The following ABHD18 variants were observed in gnomAD, a reference collection of about 807,000 sequenced individuals.
ABHD18 encodes the protein abhydrolase domain containing 18.
ABHD18 carries 55 observed loss-of-function variants against 65.9 expected under a neutral mutation model. The ratio of observed to expected loss-of-function variants is 0.84; its 90% CI spans 0.67 to 1.05. The LOEUF (loss-of-function observed/expected upper bound fraction) is 1.05. Among genes scored for constraint, ABHD18 ranks in the 50% least tolerant of loss-of-function variants. The pLI, the probability that ABHD18 is intolerant of heterozygous loss-of-function variation, is 0.00. For synonymous variants in ABHD18, 181 were observed against 180.2 expected (o/e 1.00, Z -0.04); for missense variants, 533 against 558.5 (o/e 0.95, Z 0.46).
intron 7 of ABHD18, among the ~76,000 whole-genome samples, chr4:128,013,506 C>A (rs1332823220): frequency 6.6e-6 from 1 of 152,098 alleles, no homozygotes; most frequent in East Asian, 1.9e-4. Flanking sequence ...TGAGACCATC[C>A]TGGCTAACAC....
At position 127,965,615 on chromosome 4, in the gene ABHD18, C is replaced by G; in HGVS notation, c.-18+9C>G. The G allele has an allele frequency of 4.3e-6, 1 of 232,474 alleles. No individual in the cohort carries two copies. The highest frequency in any genetic ancestry group is 5.0e-5 in the South Asian group (1 of 19,966). The allele number at this position is 232,474 out of a possible 1,614,324, so 14.4% of individuals were successfully genotyped here. A position where few individuals can be genotyped will look rare whatever the true frequency, so the allele number is the denominator to read the frequency against. On this transcript the variant is annotated intron_variant, in intron 1 of 12. Transcript: ENST00000645843. ...CTTCCACCTGGCGGCCAGTAAGTAG[C>G]CGGTCCGGTTAAGTAGTAGGTGCGC...
intron 3 of ABHD18, among the ~76,000 whole-genome samples, chr4:127,984,779 G>A (rs1464616166): frequency 1.3e-5 from 2 of 152,162 alleles, no homozygotes; most frequent in East Asian, 1.9e-4. Flanking sequence ...AGAATCACTT[G>A]AACCCCGGAG....
At chr4:128,028,942 T>C (rs1020792376) in intron 11 of ABHD18, 89 bp downstream of exon 11, 3 of 1,108,154 alleles carry the variant, frequency 2.7e-6, no homozygotes, top group Non-Finnish European at 3.7e-6. Flanking sequence ...GATAATTTTA[T>C]ATTTTCAAGG....
At chr4:128,031,208 A>G (rs1395869310) in intron 12 of ABHD18, 3 of 885,796 alleles carry the variant, frequency 3.4e-6, no homozygotes, top group African/African-American at 1.8e-5. Context: ...TAATCCCAGC[A>G]CTTTGGGAGG....
Position 128,037,447 on chromosome 4 carries a change from T to C in ABHD18, c.*1634T>C, listed in dbSNP as rs1016811592. ...CCTCCGCCTCTCAGGTTCAAGCGGT[T>C]CTCCTGCCTCCACCTGAGTAGCTGA... is the stretch of plus-strand genomic sequence containing the variant. On this transcript the variant is annotated 3_prime_UTR_variant, in exon 13 of 13. Transcript: ENST00000645843. 2.0e-5 allele frequency: 3 copies of C among 151,706 alleles called. No homozygotes were observed. The highest frequency in any genetic ancestry group is 7.3e-5 in the African/African-American group (3 of 41,336). The allele number at this position is 151,706 out of a possible 1,614,324, so 9.4% of individuals were successfully genotyped here.
chr4:127,988,822 T>C (rs1750428832), intron 3 of ABHD18, among the ~76,000 whole-genome samples: 1 of 152,144 alleles, frequency 6.6e-6, no homozygotes. Flanking sequence ...CGTACAGTGT[T>C]GGTGGGAATG....
chr4:128,008,909 T>C lies in ABHD18; in HGVS notation c.279-11T>C. 1.3e-6 allele frequency: 2 copies of C among 1,592,362 alleles called. No individual in the cohort carries two copies. The highest frequency in any genetic ancestry group is 1.7e-6 in the Non-Finnish European group (2 of 1,169,946). On this transcript the variant is annotated splice_polypyrimidine_tract_variant and intron_variant, in intron 4 of 12. Coordinates refer to ENST00000645843, the MANE Select transcript of ABHD18 (RefSeq NM_001358451.3). ...AGAATTTTATTGATAAGTCTATGCT[T>C]TTAAAAATAGGTTCCAATTTATTGT...
At chr4:128,030,195 T>C (rs1758002968) in intron 11 of ABHD18, among the ~76,000 whole-genome samples, 1 of 152,150 alleles carries the variant, frequency 6.6e-6, no homozygotes, top group African/African-American at 2.4e-5. Flanking sequence ...GATGCATACC[T>C]TACGTACTCT....
intron 1 of ABHD18, among the ~76,000 whole-genome samples, chr4:127,977,218 A>G (rs1264937126): frequency 1.3e-5 from 2 of 152,074 alleles, no homozygotes; most frequent in Admixed American, 6.5e-5. Flanking sequence ...CACGCCTGTA[A>G]TCCCAGCCCT....
chr4:127,990,850 T>C (rs1750795074), intron 4 of ABHD18, among the ~76,000 whole-genome samples: 1 of 152,138 alleles, frequency 6.6e-6, no homozygotes, highest in Non-Finnish European at 1.5e-5. Flanking sequence ...AGGTTATTCT[T>C]AGCCCAGTCT....
chr4:128,011,830 A>C, intron 7 of ABHD18, 130 bp downstream of exon 7: 3 of 532,088 alleles, frequency 5.6e-6, no homozygotes, highest in Admixed American at 3.7e-5. Flanking sequence ...GAGTTCTGTT[A>C]TGAAACTGTA....
chr4:127,986,938 G>T (rs1044854550), intron 3 of ABHD18, among the ~76,000 whole-genome samples: 3 of 152,130 alleles, frequency 2.0e-5, no homozygotes, highest in Non-Finnish European at 4.4e-5. Flanking sequence ...TAAAATCCAT[G>T]TTATGTATAA....
intron 4 of ABHD18, among the ~76,000 whole-genome samples, chr4:128,003,309 AGTGAG>A (rs1753004156): frequency 1.3e-5 from 2 of 151,808 alleles, no homozygotes; most frequent in Non-Finnish European, 2.9e-5. Flanking sequence ...TGGAGGTTGC[AGTGAG>A]CCGAGATCGC....
intron 10 of ABHD18, among the ~76,000 whole-genome samples, 154 bp from the exon 11 acceptor site, chr4:128,028,316 CCTTTT>C (rs1203824209): frequency 6.6e-6 from 1 of 150,516 alleles, no homozygotes; most frequent in Non-Finnish European, 1.5e-5. Flanking sequence ...GAATTTCATT[CCTTTT>C]AAGACTGCAT....
In ABHD18 at chr4:128,031,237, G is replaced by A. The variant is rs113306060; in HGVS notation, c.1343+565G>A. ...TGGGAGGCGGAGGCGGGTGTATCAC[G>A]AGGTCAGGAGATCAAGGCCATCCTG... On this transcript the variant is annotated intron_variant, in intron 12 of 12. Coordinates refer to ENST00000645843, the MANE Select transcript of ABHD18 (RefSeq NM_001358451.3). 1,215 of 499,126 alleles carry A rather than the reference G, an allele frequency of 2.4e-3. 21 individuals are homozygous for A. The highest frequency in any genetic ancestry group is 0.024 in the African/African-American group (1,135 of 47,568). 30.9% of individuals were successfully genotyped at this position (499,126 alleles called of 1,614,324 possible).
chr4:128,024,966 A>G (rs541409882), intron 10 of ABHD18, among the ~76,000 whole-genome samples: 124 of 152,280 alleles, frequency 8.1e-4, no homozygotes, highest in African/African-American at 2.8e-3. Context: ...TGCTGGTATT[A>G]CAGGCGTGAG....
intron 1 of ABHD18, among the ~76,000 whole-genome samples, chr4:127,972,757 C>G (rs1372624478): frequency 2.0e-5 from 3 of 151,900 alleles, no homozygotes; most frequent in African/African-American, 7.3e-5. Context: ...AAGAAAAACA[C>G]TAGTCAAGCA....
At chr4:128,015,914 G>A (rs1017247590) in intron 7 of ABHD18, among the ~76,000 whole-genome samples, 6 of 150,996 alleles carry the variant, frequency 4.0e-5, no homozygotes, top group African/African-American at 7.3e-5. Context: ...CACTATATAC[G>A]GATGGTTCTA....
chr4:128,036,091 A>G lies in ABHD18; in HGVS notation c.*278A>G, dbSNP rs1758859414. Reference sequence around the variant, plus strand: ...AGTCTGTTGTTACTGTTTATGAAAAACTAAATTTTTAATCATGAATAATTT... The same window carrying G: ...AGTCTGTTGTTACTGTTTATGAAAAGCTAAATTTTTAATCATGAATAATTT... On this transcript the variant is annotated 3_prime_UTR_variant, in exon 13 of 13. Coordinates refer to ENST00000645843, the MANE Select transcript of ABHD18 (RefSeq NM_001358451.3). 1 of 253,232 alleles carries G rather than the reference A, an allele frequency of 3.9e-6. No homozygotes were observed. Among genetic ancestry groups the G allele is most frequent in the Admixed American group, 5.4e-5 (1 of 18,558 alleles). 15.7% of individuals were successfully genotyped at this position (253,232 alleles called of 1,614,324 possible).
Sources: gnomAD v4.1 joint callset for allele counts (sites outside exome capture counted in the v4.1 genomes callset) on GRCh38, gnomAD v4.1.1 for gene constraint, MANE v1.5 for transcripts, NCBI Gene and HGNC (gene_info 2026-07-23, HGNC 2026-07-21) for gene names.